The following RFX3 variants were observed in gnomAD, a reference collection of about 807,000 sequenced individuals.
The protein encoded by RFX3 is regulatory factor X3.
RFX3 carries 14 observed loss-of-function variants against 98.6 expected under a neutral mutation model. The observed-to-expected ratio is 0.14, with a 90% CI of 0.09 to 0.22. The LOEUF (loss-of-function observed/expected upper bound fraction) is 0.22, where lower values mean the gene tolerates loss of function less well. RFX3 is among the 10% of genes least tolerant of loss of function. RFX3 has a pLI of 1.00. For missense variants in RFX3, 639 were observed against 926.9 expected (o/e 0.69, Z 4.03); for synonymous variants, 383 against 328.4 (o/e 1.17, Z -1.80).
In RFX3 at chr9:3,277,411, C is replaced by A; in HGVS notation, c.902G>T (p.Ser301Ile). The A allele has an allele frequency of 6.2e-7, 1 of 1,612,698 alleles. No individual in the cohort carries two copies. Among genetic ancestry groups the A allele is most frequent in the Non-Finnish European group, 8.5e-7 (1 of 1,178,946 alleles). Residue 301 changes from serine to isoleucine, a missense_variant, in exon 8 of 17, where the codon AGT (serine) becomes ATT (isoleucine). By Grantham distance (142) the Ser-to-Ile change is moderately radical. This residue lies in a region of RFX3 where 86 missense variants were observed against 113.2 expected (regional missense o/e 0.76). Transcript: ENST00000617270. ...VDGVADGFTG[S>I]GQQTGTSVEQ... ...AACAGATGTGCCTGTCTGTTGACCA[C>A]TTCCTGTGAAACCATCTGCAACCCC...
At chr9:3,258,995 T>A (rs1315750044) in intron 13 of RFX3, among the ~76,000 whole-genome samples, 1 of 151,984 alleles carries the variant, frequency 6.6e-6, no homozygotes, top group African/African-American at 2.4e-5. Context: ...AAATATTTAA[T>A]AACCATCTTT....
At chr9:3,450,797 TC>T (rs1307106255) in intron 1 of RFX3, among the ~76,000 whole-genome samples, 1 of 152,190 alleles carries the variant, frequency 6.6e-6, no homozygotes, top group Non-Finnish European at 1.5e-5. Context: ...CTTAGAATTT[TC>T]CCTTAAAAAT....
At chr9:3,500,044 C>G (rs577569085) in intron 1 of RFX3, among the ~76,000 whole-genome samples, 4 of 152,066 alleles carry the variant, frequency 2.6e-5, no homozygotes, top group Non-Finnish European at 4.4e-5. Context: ...CTACAGGAAG[C>G]AGAGTAAAAG....
chr9:3,257,011 C>A lies in RFX3; in HGVS notation c.1794G>T (p.Leu598=). ...PSFPKAARQF[L]LKWSFYSSMV... Reference sequence around the variant, plus strand: ...GATACCTGTAGAAAGACCATTTTAGCAGAAACTGCCTGGCGGCTTTAGGAA... The same window carrying A: ...GATACCTGTAGAAAGACCATTTTAGAAGAAACTGCCTGGCGGCTTTAGGAA... The change falls in exon 14 of 17, where the codon CTG becomes CTT. Residue 598 remains leucine (L), a synonymous_variant. Coordinates refer to ENST00000617270, the MANE Select transcript of RFX3 (RefSeq NM_001282116.2). The A allele has an allele frequency of 1.2e-6, 2 of 1,614,072 alleles. No individual in the cohort carries two copies. The highest frequency in any genetic ancestry group is 2.7e-5 in the African/African-American group (2 of 75,026).
intron 1 of RFX3, among the ~76,000 whole-genome samples, chr9:3,474,212 C>T (rs996599283): frequency 2.6e-5 from 4 of 152,170 alleles, no homozygotes; most frequent in African/African-American, 9.7e-5. Context: ...CAGTTCCAAT[C>T]AGCAAGCCTA....
At chr9:3,495,057 A>G (rs1033323287) in intron 1 of RFX3, among the ~76,000 whole-genome samples, 1 of 151,966 alleles carries the variant, frequency 6.6e-6, no homozygotes, top group South Asian at 2.1e-4. Flanking sequence ...CCCTGAAAAG[A>G]AAGTCCACAC....
rs1824255513 is a variant in RFX3 at position 3,270,244 on chromosome 9, G to C, written c.1357+127C>G. Reference sequence around the variant, plus strand: ...CTGCTTTCACGCAATATTCTGTGTTGCATGTTTTCTATCTGGCAAATCTAA... The same window carrying C: ...CTGCTTTCACGCAATATTCTGTGTTCCATGTTTTCTATCTGGCAAATCTAA... On this transcript the variant is annotated intron_variant, in intron 11 of 16. Coordinates refer to ENST00000617270, the MANE Select transcript of RFX3 (RefSeq NM_001282116.2). The C allele has an allele frequency of 3.2e-6, 3 of 931,282 alleles. No homozygotes were observed. The Admixed American group carries it at 7.7e-5, about 24-fold the overall frequency. 57.7% of individuals were successfully genotyped at this position (931,282 alleles called of 1,614,324 possible). A position where few individuals can be genotyped will look rare whatever the true frequency, so the allele number is the denominator to read the frequency against.
At chr9:3,447,403 T>C (rs1846148783) in intron 1 of RFX3, among the ~76,000 whole-genome samples, 1 of 152,044 alleles carries the variant, frequency 6.6e-6, no homozygotes, top group Non-Finnish European at 1.5e-5. Context: ...AATGCAAAAG[T>C]TGAGAAATGA....
At chr9:3,313,486 C>A (rs992523468) in intron 4 of RFX3, among the ~76,000 whole-genome samples, 1 of 152,136 alleles carries the variant, frequency 6.6e-6, no homozygotes, top group Admixed American at 6.5e-5. Flanking sequence ...CGCAGCTCCC[C>A]GCCAGCAACG....
At chr9:3,274,814 T>A (rs1027265197) in intron 9 of RFX3, among the ~76,000 whole-genome samples, 1 of 151,968 alleles carries the variant, frequency 6.6e-6, no homozygotes, top group Non-Finnish European at 1.5e-5. Context: ...ACTGTTAACA[T>A]TTTCTTGTTC....
intron 1 of RFX3, among the ~76,000 whole-genome samples, chr9:3,426,893 A>G (rs10971975): frequency 6.6e-6 from 1 of 152,016 alleles, no homozygotes; most frequent in Non-Finnish European, 1.5e-5. Context: ...ATGTATTTGA[A>G]TCATTCCTCC....
In RFX3 at chr9:3,439,895, A is replaced by G. The variant is rs185909921; in HGVS notation, c.-8-44299T>C. Among the ~76,000 whole-genome samples the G allele has an allele frequency of 2.8e-3, 421 of 152,140 alleles. 3 individuals carry two copies. The highest frequency in any genetic ancestry group is 9.9e-3 in the African/African-American group (410 of 41,564). On this transcript the variant is annotated intron_variant, in intron 1 of 16. Coordinates refer to ENST00000617270, the MANE Select transcript of RFX3 (RefSeq NM_001282116.2). ...TTAAACCGTTAAATCTAATATTCAT[A>G]AAGGATAATACATCAGAACTACGTA...
intron 1 of RFX3, among the ~76,000 whole-genome samples, chr9:3,514,758 C>G (rs1413294328): frequency 6.6e-6 from 1 of 152,158 alleles, no homozygotes; most frequent in Admixed American, 6.5e-5. Context: ...TTAAAATGCT[C>G]CTAAGACACA....
chr9:3,525,801 GGGAGGAGGAGGAGGAAGAGGAGGA>G lies in RFX3; in HGVS notation c.-87_-64del. On this transcript the variant is annotated 5_prime_UTR_variant, in exon 1 of 17. Coordinates refer to ENST00000617270, the MANE Select transcript of RFX3 (RefSeq NM_001282116.2). ...GTGGGTGATGGAGATGGTGGTGGTGGGGAGGAGGAGGAGGAAGAGGAGGAGGAGGAGGAGAGGAGTAGTTGTTGT... is the reference window on the plus strand; with the variant it reads ...GTGGGTGATGGAGATGGTGGTGGTGGGGAGGAGGAGAGGAGTAGTTGTTGT... 1 of 651,286 alleles carries G rather than the reference GGGAGGAGGAGGAGGAAGAGGAGGA, an allele frequency of 1.5e-6. No individual in the cohort carries two copies. 40.3% of individuals were successfully genotyped at this position (651,286 alleles called of 1,614,324 possible). A position where few individuals can be genotyped will look rare whatever the true frequency, so the allele number is the denominator to read the frequency against.
At chr9:3,253,450 T>C (rs1821698802) in intron 14 of RFX3, among the ~76,000 whole-genome samples, 1 of 152,230 alleles carries the variant, frequency 6.6e-6, no homozygotes, top group African/African-American at 2.4e-5. Flanking sequence ...TGAATGACCT[T>C]CAGGGTGGCC....
intron 2 of RFX3, among the ~76,000 whole-genome samples, chr9:3,375,551 A>T (rs1838364159): frequency 6.6e-6 from 1 of 152,106 alleles, no homozygotes. Flanking sequence ...ACATGACCTC[A>T]CTTATGTTAC....
intron 14 of RFX3, among the ~76,000 whole-genome samples, chr9:3,251,354 T>A (rs1016299013): frequency 3.3e-5 from 5 of 152,078 alleles, no homozygotes; most frequent in South Asian, 4.1e-4. Context: ...ATTAATTATT[T>A]TTTTTTTTTA....
intron 15 of RFX3, among the ~76,000 whole-genome samples, chr9:3,239,055 A>G (rs1463085515): frequency 6.6e-6 from 1 of 152,084 alleles, no homozygotes; most frequent in Admixed American, 6.6e-5. Flanking sequence ...AGGTAATGGC[A>G]GCTATTCTGG....
At position 3,378,527 on chromosome 9, in the gene RFX3, A is replaced by T. The variant is rs146682189; in HGVS notation, c.117+16945T>A. Among the ~76,000 whole-genome samples, 56 of 151,184 alleles carry T rather than the reference A, an allele frequency of 3.7e-4. No homozygotes were observed. The East Asian group carries it at 7.9e-3, about 21-fold the overall frequency. On this transcript the variant is annotated intron_variant, in intron 2 of 16. Coordinates refer to ENST00000617270, the MANE Select transcript of RFX3 (RefSeq NM_001282116.2). The stretch of plus-strand genomic sequence containing the variant: ...AAAATAAATAGAAATAAAAATTCTA[A>T]CACTTCTTTCTCATATTTTTTTTCT...
Sources: allele counts gnomAD v4.1 joint callset (sites outside exome capture counted in the v4.1 genomes callset), GRCh38; gene constraint gnomAD v4.1.1; regional missense constraint gnomAD v4.1.1; transcripts MANE v1.5; gene names NCBI Gene and HGNC (gene_info 2026-07-23, HGNC 2026-07-21).